BCAS4: variants seen among roughly 807,000 people sequenced by gnomAD.
BCAS4 encodes breast carcinoma amplified sequence 4.
Under a neutral mutation model 15.7 loss-of-function variants are expected in BCAS4, and 9 were observed. The observed-to-expected ratio is 0.57, with a 90% CI of 0.34 to 1.00. The LOEUF is 1.00. Ranked by LOEUF, BCAS4 falls within the 50% of genes least tolerant of loss-of-function variation. BCAS4 has a pLI of 0.02. For missense variants in BCAS4, 225 were observed against 239.1 expected (o/e 0.94, Z 0.39); for synonymous variants, 101 against 99.5 (o/e 1.02, Z -0.09).
intron 4 of BCAS4, among the ~76,000 whole-genome samples, chr20:50,857,711 C>A (rs766104118): frequency 6.6e-6 from 1 of 152,184 alleles, no homozygotes; most frequent in Non-Finnish European, 1.5e-5. Flanking sequence ...GTGACCCCCA[C>A]CTCCACTTCC....
chr20:50,856,946 G>A (rs1978791070), intron 4 of BCAS4, among the ~76,000 whole-genome samples: 1 of 152,160 alleles, frequency 6.6e-6, no homozygotes, highest in South Asian at 2.1e-4. Flanking sequence ...TATCAGAACT[G>A]GCTCCCGTAA....
At chr20:50,805,891 T>A (rs761036) in intron 1 of BCAS4, among the ~76,000 whole-genome samples, 1 of 151,292 alleles carries the variant, frequency 6.6e-6, no homozygotes, top group East Asian at 1.9e-4. Flanking sequence ...GTAGGAAAAT[T>A]GCTTGAACCT....
At chr20:50,816,127 G>A (rs1051076187) in intron 1 of BCAS4, among the ~76,000 whole-genome samples, 1 of 133,670 alleles carries the variant, frequency 7.5e-6, no homozygotes, top group Non-Finnish European at 1.7e-5. Flanking sequence ...CTGGGTTCAA[G>A]CAGTCCTCCT....
intron 3 of BCAS4, among the ~76,000 whole-genome samples, chr20:50,838,308 TAAG>T (rs1248981291): frequency 6.6e-6 from 1 of 152,178 alleles, no homozygotes; most frequent in Non-Finnish European, 1.5e-5. Flanking sequence ...CATGAATAGA[TAAG>T]AATTTCAGAG....
intron 1 of BCAS4, among the ~76,000 whole-genome samples, chr20:50,805,937 A>G (rs1370708279): frequency 1.3e-5 from 2 of 150,938 alleles, no homozygotes; most frequent in East Asian, 1.9e-4. Flanking sequence ...AGATTGCGCC[A>G]TTGCACTCCA....
chr20:50,797,350 C>T (rs985433763), intron 1 of BCAS4, among the ~76,000 whole-genome samples: 8 of 152,032 alleles, frequency 5.3e-5, no homozygotes, highest in Non-Finnish European at 8.8e-5. Context: ...CTGAATCGTA[C>T]ACTTTGAAAG....
In BCAS4 at chr20:50,876,541, A is replaced by T. The variant is rs1568690530; in HGVS notation, c.455A>T (p.Glu152Val). The change falls in exon 5 of 5, where the codon GAG (glutamate) becomes GTG (valine). Residue 152 changes from glutamate (E) to valine (V), a missense_variant. By Grantham distance (121) the Glu-to-Val change is moderately radical. Transcript: ENST00000371608. ...GAGCTGCCCACACTGTATAGGACGG[A>T]GGACTATTTTCCTGTGGACGCCGGG... Reference protein sequence around the residue: ...TYELPTLYRTEDYFPVDAGEA... With the variant: ...TYELPTLYRTVDYFPVDAGEA... 1 of 1,614,060 alleles carries T rather than the reference A, an allele frequency of 6.2e-7. No homozygotes were observed. The highest frequency in any genetic ancestry group is 1.7e-5 in the Admixed American group (1 of 60,006).
intron 4 of BCAS4, among the ~76,000 whole-genome samples, chr20:50,850,975 A>C (rs1978381033): frequency 6.6e-6 from 1 of 152,070 alleles, no homozygotes; most frequent in African/African-American, 2.4e-5. Flanking sequence ...TGCCTGTAGG[A>C]GTCGTCAGTG....
chr20:50,833,698 G>T (rs1316518150), intron 3 of BCAS4, among the ~76,000 whole-genome samples: 2 of 152,228 alleles, frequency 1.3e-5, no homozygotes, highest in African/African-American at 4.8e-5. Flanking sequence ...GGGAGTTACG[G>T]TGGTGAGGTT....
At chr20:50,855,587 G>T (rs908016462) in intron 4 of BCAS4, among the ~76,000 whole-genome samples, 1 of 152,140 alleles carries the variant, frequency 6.6e-6, no homozygotes, top group Non-Finnish European at 1.5e-5. Flanking sequence ...GGAAGGGGAA[G>T]GGGAAGGGTG....
At chr20:50,858,821 G>A (rs1978911980) in intron 4 of BCAS4, among the ~76,000 whole-genome samples, 1 of 147,780 alleles carries the variant, frequency 6.8e-6, no homozygotes, top group African/African-American at 2.5e-5. Flanking sequence ...CAAACTTCTG[G>A]GCTCGAGCAA....
At chr20:50,840,042 T>C (rs1168773273) in intron 3 of BCAS4, among the ~76,000 whole-genome samples, 1 of 151,938 alleles carries the variant, frequency 6.6e-6, no homozygotes, top group Non-Finnish European at 1.5e-5. Flanking sequence ...GCCTGGCTAA[T>C]TTTTCAATTT....
intron 1 of BCAS4, among the ~76,000 whole-genome samples, chr20:50,800,213 G>T (rs2087911104): frequency 2.0e-5 from 3 of 152,164 alleles, no homozygotes; most frequent in Admixed American, 6.6e-5. Context: ...CTTCCCTGAG[G>T]CAGCATTGTC....
intron 4 of BCAS4, among the ~76,000 whole-genome samples, chr20:50,857,550 C>T (rs1302981962): frequency 6.6e-6 from 1 of 152,196 alleles, no homozygotes; most frequent in Admixed American, 6.5e-5. Flanking sequence ...GTAACTTGGC[C>T]AAGGTCACAC....
chr20:50,877,914 G>C (rs952704552), downstream of BCAS4: 2 of 152,052 alleles, frequency 1.3e-5, no homozygotes, highest in African/African-American at 4.8e-5. Context: ...ACAAAAATTA[G>C]CCTGGCGTGC....
intron 3 of BCAS4, among the ~76,000 whole-genome samples, chr20:50,840,356 T>C: frequency 6.6e-6 from 1 of 152,212 alleles, no homozygotes; most frequent in East Asian, 1.9e-4. Context: ...TTGGTTTTAC[T>C]TTAGATTTCA....
intron 4 of BCAS4, among the ~76,000 whole-genome samples, chr20:50,862,131 T>C (rs1033179074): frequency 1.1e-4 from 17 of 152,032 alleles, no homozygotes. Flanking sequence ...CTCTCTCTCT[T>C]TTTGCCTCAT....
intron 1 of BCAS4, among the ~76,000 whole-genome samples, chr20:50,817,781 A>T (rs768285444): frequency 1.1e-4 from 17 of 151,792 alleles, no homozygotes; most frequent in Admixed American, 2.6e-4. Flanking sequence ...CCGGGGTATC[A>T]CCGGGGCCAC....
intron 4 of BCAS4, among the ~76,000 whole-genome samples, chr20:50,863,793 G>A (rs1434828269): frequency 6.6e-6 from 1 of 152,212 alleles, no homozygotes; most frequent in Non-Finnish European, 1.5e-5. Flanking sequence ...CCTTGGGGAG[G>A]TGGATCTCAG....
Sources: allele counts gnomAD v4.1 joint callset (sites outside exome capture counted in the v4.1 genomes callset), GRCh38; gene constraint gnomAD v4.1.1; transcripts MANE v1.5; gene names NCBI Gene and HGNC (gene_info 2026-07-23, HGNC 2026-07-21).